The following GTF2I variants were observed in gnomAD, a reference collection of about 807,000 sequenced individuals.
GTF2I encodes the protein general transcription factor IIi, also known as general transcription factor II-I.
A neutral mutation model predicts 67.6 loss-of-function variants in GTF2I; 12 were observed. The observed-to-expected ratio is 0.18, with a 90% CI of 0.11 to 0.29. The LOEUF (loss-of-function observed/expected upper bound fraction) is 0.29. GTF2I is among the 10% of genes least tolerant of loss of function. The probability of loss-of-function intolerance (pLI) is 1.00; values close to 1 mark genes in which losing one functional copy is unlikely to be tolerated. For synonymous variants in GTF2I, 149 were observed against 197.0 expected, an observed-to-expected ratio of 0.76 and a Z score of 2.04; for missense variants, 271 against 580.1, an observed-to-expected ratio of 0.47 and a Z score of 5.47.
At chr7:74,683,139 TTTCATAG>T (rs1335904122) in intron 1 of GTF2I, among the ~76,000 whole-genome samples, 1 of 152,194 alleles carries the variant, frequency 6.6e-6, no homozygotes, top group Non-Finnish European at 1.5e-5. Flanking sequence ...AAGGATACCA[TTTCATAG>T]TTAAGCCCAT....
intron 2 of GTF2I, among the ~76,000 whole-genome samples, chr7:74,690,563 C>T (rs1340172007): frequency 1.3e-5 from 2 of 152,054 alleles, no homozygotes; most frequent in Non-Finnish European, 2.9e-5. Flanking sequence ...CACTAATTGC[C>T]CCAGGTGCCA....
rs1806005459 is a variant in GTF2I at position 74,677,570 on chromosome 7, C to G, written c.-5-11554C>G. Among the ~76,000 whole-genome samples, 4 of 151,806 alleles carry G rather than the reference C, an allele frequency of 2.6e-5. No individual in the cohort carries two copies. The South Asian group carries it at 8.3e-4, about 32-fold the overall frequency. On this transcript the variant is annotated intron_variant, in intron 1 of 34. Transcript: ENST00000573035. ...CTGAGGCGGGCAGATCACCTGAGGT[C>G]AGGAGTTCCAAGACCAGCCTGGCCA...
In GTF2I at chr7:74,670,985, G is replaced by A. The variant is rs191482325; in HGVS notation, c.-6+12917G>A. Among the ~76,000 whole-genome samples, 48 of 150,656 alleles carry A rather than the reference G, an allele frequency of 3.2e-4. 2 individuals carry two copies. In the East Asian group the frequency reaches 7.7e-3, roughly 24 times the overall value. On this transcript the variant is annotated intron_variant, in intron 1 of 34. Coordinates refer to ENST00000573035, the MANE Select transcript of GTF2I (RefSeq NM_032999.4). ...ATAGGTCTTTCCGAATAGCTGGTAAGATTTTTCCTTGTTTGTTTTTTAAGG... is the reference window on the plus strand; with the variant it reads ...ATAGGTCTTTCCGAATAGCTGGTAAAATTTTTCCTTGTTTGTTTTTTAAGG...
chr7:74,684,899 T>C (rs1475123128), intron 1 of GTF2I: 1 of 152,202 alleles, frequency 6.6e-6, no homozygotes, highest in African/African-American at 2.4e-5. Flanking sequence ...TTATTGAAAG[T>C]GGAAGGTACA....
chr7:74,704,748 G>C (rs587741324), intron 6 of GTF2I, among the ~76,000 whole-genome samples: 1 of 151,142 alleles, frequency 6.6e-6, no homozygotes, highest in East Asian at 1.9e-4. Flanking sequence ...CAGCTACTCA[G>C]GAGGCTGAGG....
At chr7:74,728,223 GC>G (rs1235861110) in intron 12 of GTF2I, among the ~76,000 whole-genome samples, 2 of 152,080 alleles carry the variant, frequency 1.3e-5, no homozygotes, top group African/African-American at 4.8e-5. Flanking sequence ...AATCGCTTGA[GC>G]CCAGGAGGTG....
chr7:74,705,593 T>C (rs1394878354), intron 7 of GTF2I, among the ~76,000 whole-genome samples: 2 of 151,960 alleles, frequency 1.3e-5, no homozygotes, highest in Admixed American at 6.6e-5. Flanking sequence ...GTTTTGCTCT[T>C]TTTGCCCATG....
In GTF2I at chr7:74,698,651, ATCC is replaced by A. The variant is rs202093311; in HGVS notation, c.239-305_239-303del. ...GGTCTTGAACTCCTGGGCTCAAGCA[ATCC>A]TCCTGCTTCAGCCTCACAAGGTGGT... On this transcript the variant is annotated intron_variant, in intron 3 of 34. Transcript: ENST00000573035. 5.7e-3 allele frequency among the ~76,000 whole-genome samples: 869 copies of A among 152,040 alleles called. 10 individuals carry two copies. The highest frequency in any genetic ancestry group is 0.02 in the African/African-American group (824 of 41,508).
intron 1 of GTF2I, among the ~76,000 whole-genome samples, chr7:74,668,032 C>A (rs1053357805): frequency 2.0e-5 from 3 of 151,638 alleles, no homozygotes; most frequent in African/African-American, 7.3e-5. Context: ...TGGGGTTTCA[C>A]CATGTTAGCC....
intron 1 of GTF2I, among the ~76,000 whole-genome samples, chr7:74,666,895 G>A (rs1273971862): frequency 6.6e-6 from 1 of 151,942 alleles, no homozygotes; most frequent in Admixed American, 6.6e-5. Context: ...CAGGAGAATG[G>A]TGTGAAACCG....
At chr7:74,661,694 T>TAAAAAC (rs1394134619) in intron 1 of GTF2I, among the ~76,000 whole-genome samples, 3 of 151,182 alleles carry the variant, frequency 2.0e-5, no homozygotes, top group Non-Finnish European at 4.4e-5. Context: ...AAAATAAAAA[T>TAAAAAC]AAAATAGATG....
chr7:74,677,798 T>TAAAAAAAAAA (rs1806039310), intron 1 of GTF2I, among the ~76,000 whole-genome samples: 27 of 56,302 alleles, frequency 4.8e-4, no homozygotes, highest in East Asian at 6.6e-4. Context: ...AAAAAAAAAG[T>TAAAAAAAAAA]AAATTTGGGT....
chr7:74,724,612 A>G (rs925954161), intron 12 of GTF2I, among the ~76,000 whole-genome samples: 1 of 152,148 alleles, frequency 6.6e-6, no homozygotes, highest in Non-Finnish European at 1.5e-5. Flanking sequence ...AAATTCATGA[A>G]TAGCACCTTT....
intron 6 of GTF2I, among the ~76,000 whole-genome samples, chr7:74,701,313 A>G (rs1789708437): frequency 6.6e-6 from 1 of 152,304 alleles, no homozygotes; most frequent in African/African-American, 2.4e-5. Flanking sequence ...GAATACTTTT[A>G]AACATGTAAC....
intron 20 of GTF2I, 90 bp downstream of exon 20, chr7:74,743,610 GCA>G (rs1795200970): frequency 4.8e-6 from 3 of 623,748 alleles, no homozygotes; most frequent in Non-Finnish European, 9.1e-6. Flanking sequence ...CCAGCCGGGT[GCA>G]GTGGCTCACG....
intron 4 of GTF2I, 123 bp downstream of exon 4, chr7:74,699,218 C>A: frequency 2.2e-6 from 1 of 455,576 alleles, no homozygotes; most frequent in Non-Finnish European, 3.8e-6. Flanking sequence ...AATGGATTAG[C>A]AATAACCTTA....
At chr7:74,731,177 C>G (rs1333794803) in intron 14 of GTF2I, among the ~76,000 whole-genome samples, 1 of 148,932 alleles carries the variant, frequency 6.7e-6, no homozygotes, top group Non-Finnish European at 1.5e-5. Flanking sequence ...AAATAAAAAT[C>G]ATTTTATTTT....
At chr7:74,681,871 T>G (rs995773597) in intron 1 of GTF2I, among the ~76,000 whole-genome samples, 5 of 151,274 alleles carry the variant, frequency 3.3e-5, no homozygotes, top group Admixed American at 3.3e-4. Context: ...GAGATTGTGT[T>G]ACTGCACTCC....
At chr7:74,687,248 G>A (rs782751578) in intron 1 of GTF2I, among the ~76,000 whole-genome samples, 1 of 150,008 alleles carries the variant, frequency 6.7e-6, no homozygotes, top group Admixed American at 6.7e-5. Flanking sequence ...TTTTTGAGGC[G>A]GAGTCTCACT....
Sources: allele counts gnomAD v4.1 joint callset (sites outside exome capture counted in the v4.1 genomes callset), GRCh38; gene constraint gnomAD v4.1.1; transcripts MANE v1.5; gene names NCBI Gene and HGNC (gene_info 2026-07-23, HGNC 2026-07-21).